TRIO: variants seen among roughly 807,000 people sequenced by gnomAD.
The protein encoded by TRIO is trio Rho guanine nucleotide exchange factor.
A neutral mutation model predicts 351.9 loss-of-function variants in TRIO; 58 were observed. That is an observed-to-expected ratio of 0.16 (90% confidence interval 0.13 to 0.21). The LOEUF is 0.21. Ranked by LOEUF, TRIO falls within the 10% of genes least tolerant of loss-of-function variation. The pLI is 1.00. For missense variants in TRIO, 3,201 were observed against 4,027.8 expected (o/e 0.79, Z 5.56); for synonymous variants, 1,758 against 1,595.7 (o/e 1.10, Z -2.42).
intron 1 of TRIO, among the ~76,000 whole-genome samples, chr5:14,151,093 G>A (rs1787799606): frequency 6.6e-6 from 1 of 152,184 alleles, no homozygotes. Context: ...TGGTGCGAAA[G>A]AAGAAGTTTA....
chr5:14,309,350 C>T (rs1175142439), intron 8 of TRIO, among the ~76,000 whole-genome samples: 2 of 152,162 alleles, frequency 1.3e-5, no homozygotes, highest in Non-Finnish European at 2.9e-5. Context: ...GGTTCTCCAC[C>T]TCCAACTCCT....
chr5:14,416,757 C>G (rs188437690), intron 33 of TRIO, among the ~76,000 whole-genome samples: 3 of 152,278 alleles, frequency 2.0e-5, no homozygotes, highest in East Asian at 1.9e-4. Context: ...ACCCTTCCCC[C>G]ACCCGCAGCC....
At chr5:14,265,240 C>A (rs1298593797) in intron 1 of TRIO, among the ~76,000 whole-genome samples, 1 of 151,988 alleles carries the variant, frequency 6.6e-6, no homozygotes, top group Non-Finnish European at 1.5e-5. Context: ...GGAGACGCAG[C>A]CAGTTTAGAA....
intron 1 of TRIO, 121 bp downstream of exon 1, chr5:14,144,003 C>T (rs917158875): frequency 6.9e-5 from 51 of 741,384 alleles, no homozygotes; most frequent in Non-Finnish European, 7.3e-5. Context: ...CCGTCGGGGC[C>T]CGCAGGCTCT....
chr5:14,354,130 C>T (rs1311571391), intron 11 of TRIO, among the ~76,000 whole-genome samples: 2 of 152,132 alleles, frequency 1.3e-5, no homozygotes, highest in Admixed American at 1.3e-4. Flanking sequence ...GAGGGCCCAG[C>T]GGTGCTGGGG....
intron 11 of TRIO, among the ~76,000 whole-genome samples, chr5:14,356,732 G>A (rs1743642284): frequency 6.6e-6 from 1 of 152,208 alleles, no homozygotes. Context: ...ATGCCCACCA[G>A]CAGATGAAGG....
At chr5:14,317,943 A>G (rs1438208801) in intron 9 of TRIO, among the ~76,000 whole-genome samples, 5 of 152,090 alleles carry the variant, frequency 3.3e-5, no homozygotes, top group African/African-American at 4.8e-5. Flanking sequence ...CCTGCCCAAC[A>G]TGGTGAAACC....
At chr5:14,467,923 T>C (rs1045942843) in intron 37 of TRIO, among the ~76,000 whole-genome samples, 2 of 152,204 alleles carry the variant, frequency 1.3e-5, no homozygotes, top group African/African-American at 4.8e-5. Flanking sequence ...GAAGGGTGCT[T>C]AAATTGTATC....
intron 1 of TRIO, among the ~76,000 whole-genome samples, chr5:14,147,964 A>C (rs1362595728): frequency 1.3e-5 from 2 of 152,274 alleles, no homozygotes; most frequent in Non-Finnish European, 2.9e-5. Context: ...TGGCACAGTC[A>C]GTTTTAGAGG....
chr5:14,507,397 C>T (rs1413537190), intron 56 of TRIO, 137 bp downstream of exon 56: 2 of 1,235,750 alleles, frequency 1.6e-6, no homozygotes, highest in Non-Finnish European at 2.2e-6. Flanking sequence ...GCAGCGCAGA[C>T]ACTGATTGCT....
chr5:14,437,398 C>G (rs1041797037), intron 34 of TRIO, among the ~76,000 whole-genome samples: 3 of 152,128 alleles, frequency 2.0e-5, no homozygotes, highest in South Asian at 2.1e-4. Context: ...CAGCTGGGTT[C>G]ATTGGTTTCT....
intron 2 of TRIO, among the ~76,000 whole-genome samples, chr5:14,276,261 T>C (rs1312259597): frequency 6.6e-6 from 1 of 152,164 alleles, no homozygotes; most frequent in Admixed American, 6.5e-5. Flanking sequence ...CATCCTAGCA[T>C]AGTGGGAGCT....
intron 1 of TRIO, among the ~76,000 whole-genome samples, chr5:14,213,776 C>T (rs1313447531): frequency 6.6e-6 from 1 of 152,000 alleles, no homozygotes; most frequent in African/African-American, 2.4e-5. Flanking sequence ...AGGATGAATG[C>T]CAGAATTGGA....
intron 1 of TRIO, among the ~76,000 whole-genome samples, chr5:14,192,147 AT>A (rs1790497894): frequency 1.3e-5 from 2 of 152,168 alleles, no homozygotes; most frequent in South Asian, 4.1e-4. Flanking sequence ...CCATATATAC[AT>A]TATCTCATTC....
chr5:14,193,257 A>C (rs890282200), intron 1 of TRIO, among the ~76,000 whole-genome samples: 1 of 152,156 alleles, frequency 6.6e-6, no homozygotes, highest in Non-Finnish European at 1.5e-5. Context: ...CAGGCAATTA[A>C]AAAGCAGTAT....
chr5:14,354,249 T>G (rs949585364), intron 11 of TRIO, among the ~76,000 whole-genome samples: 1 of 152,268 alleles, frequency 6.6e-6, no homozygotes, highest in African/African-American at 2.4e-5. Flanking sequence ...TCTCTTCTGC[T>G]GTCTTGATTA....
intron 16 of TRIO, among the ~76,000 whole-genome samples, chr5:14,367,509 C>T (rs1579445748): frequency 6.6e-6 from 1 of 152,208 alleles, no homozygotes; most frequent in African/African-American, 2.4e-5. Context: ...CCTTGTTCAC[C>T]TTGACAAGGG....
chr5:14,293,175 G>A, intron 6 of TRIO, 41 bp downstream of exon 6: 1 of 1,612,796 alleles, frequency 6.2e-7, no homozygotes, highest in South Asian at 1.1e-5. Context: ...ATGTGACAGT[G>A]TTTTAGCAAA....
At chr5:14,328,677 T>G (rs1740632421) in intron 9 of TRIO, among the ~76,000 whole-genome samples, 1 of 152,188 alleles carries the variant, frequency 6.6e-6, no homozygotes, top group Admixed American at 6.5e-5. Context: ...CACACTGACA[T>G]TAAGATGCTT....
Sources: gnomAD v4.1 joint callset for allele counts (sites outside exome capture counted in the v4.1 genomes callset) on GRCh38, gnomAD v4.1.1 for gene constraint, MANE v1.5 for transcripts, NCBI Gene and HGNC (gene_info 2026-07-23, HGNC 2026-07-21) for gene names.